Variants in PTPRD observed in about 807,000 individuals in gnomAD.
PTPRD encodes receptor-type tyrosine-protein phosphatase delta.
In PTPRD, 34 loss-of-function variants were observed where a neutral mutation model predicts 214.5. That is an observed-to-expected ratio of 0.16 (90% CI 0.12 to 0.21). The LOEUF (loss-of-function observed/expected upper bound fraction) is 0.21, where lower values mean the gene tolerates loss of function less well. PTPRD is among the 10% of genes least tolerant of loss of function. The pLI, the probability that PTPRD is intolerant of heterozygous loss-of-function variation, is 1.00. For missense variants in PTPRD, 2,545 were observed against 2,398.7 expected (o/e 1.06, Z -1.27); for synonymous variants, 1,128 against 845.7 (o/e 1.33, Z -5.79).
chr9:9,765,247 C>A, intron 6 of PTPRD, among the ~76,000 whole-genome samples: 1 of 152,126 alleles, frequency 6.6e-6, no homozygotes, highest in East Asian at 1.9e-4. Context: ...AGGAGGCTTT[C>A]TTCTTCCATA....
chr9:9,291,835 G>A (rs1463822716), intron 9 of PTPRD, among the ~76,000 whole-genome samples: 1 of 148,926 alleles, frequency 6.7e-6, no homozygotes, highest in African/African-American at 2.5e-5. Context: ...TATCTCAGAG[G>A]ATATATATGT....
rs532132408 is a variant in PTPRD at position 8,722,899 on chromosome 9, G to A, written c.64+10881C>T. Among the ~76,000 whole-genome samples the A allele has an allele frequency of 5.3e-5, 8 of 152,250 alleles. No homozygotes were observed. The East Asian group carries it at 1.2e-3, about 22-fold the overall frequency. On this transcript the variant is annotated intron_variant, in intron 12 of 45. Transcript: ENST00000381196. ...TTGGTGTTGCAAGTCTATATCGGCT[G>A]GTGCAAAGAAAATTTCAGTTAAGCT...
intron 5 of PTPRD, among the ~76,000 whole-genome samples, chr9:9,859,022 G>C (rs889678327): frequency 1.3e-5 from 2 of 152,118 alleles, no homozygotes; most frequent in Non-Finnish European, 2.9e-5. Flanking sequence ...CTATTGGGAG[G>C]TGATTGGATG....
At chr9:8,499,977 C>G in intron 24 of PTPRD, 137 bp from the exon 25 acceptor site, 1 of 424,086 alleles carries the variant, frequency 2.4e-6, no homozygotes, top group Non-Finnish European at 3.7e-6. Context: ...AGAATACAAA[C>G]ATTTTCAACC....
intron 2 of PTPRD, among the ~76,000 whole-genome samples, chr9:10,425,004 T>G (rs1408690596): frequency 6.6e-6 from 1 of 151,980 alleles, no homozygotes; most frequent in Non-Finnish European, 1.5e-5. Flanking sequence ...AATTGTGCAG[T>G]TTCTTTAGCT....
chr9:8,757,061 G>C (rs1323078178), intron 11 of PTPRD, among the ~76,000 whole-genome samples: 1 of 152,186 alleles, frequency 6.6e-6, no homozygotes, highest in African/African-American at 2.4e-5. Flanking sequence ...AGACTCACTT[G>C]AACCTGGGAG....
chr9:9,304,933 T>C (rs748021724), intron 9 of PTPRD, among the ~76,000 whole-genome samples: 3 of 148,056 alleles, frequency 2.0e-5, no homozygotes, highest in Non-Finnish European at 4.5e-5. Flanking sequence ...GGTGGTGGGT[T>C]AGTCACTTGG....
chr9:8,441,388 G>A (rs555341722), intron 34 of PTPRD, among the ~76,000 whole-genome samples: 157 of 152,056 alleles, frequency 1.0e-3, no homozygotes, highest in Middle Eastern at 3.4e-3. Flanking sequence ...AAGGCCAATC[G>A]GTTCAGACTG....
At chr9:9,437,392 G>A (rs933914254) in intron 8 of PTPRD, among the ~76,000 whole-genome samples, 2 of 152,042 alleles carry the variant, frequency 1.3e-5, no homozygotes, top group Non-Finnish European at 2.9e-5. Context: ...GGAGCTATTG[G>A]CTAGATGGCT....
intron 11 of PTPRD, among the ~76,000 whole-genome samples, chr9:8,844,721 A>G (rs2097650888): frequency 6.6e-6 from 1 of 152,238 alleles, no homozygotes; most frequent in Non-Finnish European, 1.5e-5. Flanking sequence ...CCAAATCCCA[A>G]GCTAAGAGCT....
At chr9:8,744,136 A>G (rs1009410549) in intron 11 of PTPRD, among the ~76,000 whole-genome samples, 2 of 152,180 alleles carry the variant, frequency 1.3e-5, no homozygotes, top group African/African-American at 2.4e-5. Context: ...AATCGAAAAA[A>G]TATTTTAAAA....
intron 3 of PTPRD, among the ~76,000 whole-genome samples, chr9:10,270,685 G>A (rs916622708): frequency 6.6e-6 from 1 of 152,094 alleles, no homozygotes; most frequent in African/African-American, 2.4e-5. Context: ...AAAAATTGTG[G>A]TATTGGATGC....
chr9:9,697,180 T>C (rs940954278), intron 7 of PTPRD, among the ~76,000 whole-genome samples: 26 of 152,130 alleles, frequency 1.7e-4, no homozygotes, highest in African/African-American at 6.3e-4. Context: ...GATTGCTTTT[T>C]AGTCTTCACA....
intron 7 of PTPRD, among the ~76,000 whole-genome samples, chr9:9,733,228 G>A (rs770606210): frequency 3.9e-5 from 6 of 152,262 alleles, no homozygotes; most frequent in Middle Eastern, 3.4e-3. Flanking sequence ...AAGACAGAGA[G>A]AAATATGTCA....
At position 10,452,656 on chromosome 9, in the gene PTPRD, G is replaced by C. The variant is rs181729801; in HGVS notation, c.-599-111639C>G. 1.4e-3 allele frequency among the ~76,000 whole-genome samples: 211 copies of C among 151,812 alleles called. 1 individual carries two copies. The highest frequency in any genetic ancestry group is 4.9e-3 in the African/African-American group (204 of 41,504). ...AATGTCTATTCATTTAAAAAAATCA[G>C]ATTATTCATTTGTTTCATTTCGTTT... is the stretch of plus-strand genomic sequence containing the variant. On this transcript the variant is annotated intron_variant, in intron 2 of 45. Transcript: ENST00000381196.
intron 8 of PTPRD, among the ~76,000 whole-genome samples, chr9:9,548,971 T>A (rs1356777544): frequency 6.6e-6 from 1 of 152,240 alleles, no homozygotes; most frequent in Non-Finnish European, 1.5e-5. Context: ...AATTTAGTTA[T>A]AAAAGATTTG....
intron 9 of PTPRD, among the ~76,000 whole-genome samples, chr9:9,369,384 T>G (rs2058800538): frequency 6.6e-6 from 1 of 152,236 alleles, no homozygotes; most frequent in Admixed American, 6.6e-5. Context: ...TTTTCATGTG[T>G]TTTTTGGCTG....
intron 30 of PTPRD, among the ~76,000 whole-genome samples, chr9:8,482,112 C>G (rs889805488): frequency 6.6e-6 from 1 of 152,170 alleles, no homozygotes; most frequent in African/African-American, 2.4e-5. Context: ...TCTAAGCCCA[C>G]ACTTCTAACT....
rs1461254821 is a variant in PTPRD, at chr9:8,341,883, G to A, written c.4757C>T (p.Thr1586Ile). The A allele has an allele frequency of 6.2e-7, 1 of 1,613,240 alleles. No homozygotes were observed. Among genetic ancestry groups the A allele is most frequent in the African/African-American group, 1.3e-5 (1 of 74,804 alleles). Residue 1586 changes from threonine (T) to isoleucine (I), a missense_variant, in exon 40 of 46, where the codon ACT (threonine) becomes ATT (isoleucine). By Grantham distance (89) the Thr-to-Ile change is moderately conservative (BLOSUM62 -1). Coordinates refer to ENST00000381196, the MANE Select transcript of PTPRD (RefSeq NM_002839.4). ...ATAGTTCCTCTGGGCTCTCATTAAA[G>A]TTACATGGCCATAAATATCTACAGT... ...EKTVDIYGHVTLMRAQRNYMV... is the reference protein window; with the variant it reads ...EKTVDIYGHVILMRAQRNYMV...
Sources: allele counts gnomAD v4.1 joint callset (sites outside exome capture counted in the v4.1 genomes callset), GRCh38; gene constraint gnomAD v4.1.1; transcripts MANE v1.5; gene names NCBI Gene and HGNC (gene_info 2026-07-23, HGNC 2026-07-21).